The following REPS2 variants were observed in gnomAD, a reference collection of about 807,000 sequenced individuals.
REPS2 encodes RALBP1 associated Eps domain containing 2, also known as ralBP1-associated Eps domain-containing protein 2.
Under a neutral mutation model 53.6 loss-of-function variants are expected in REPS2, and 23 were observed. That is an observed-to-expected ratio of 0.43 (90% confidence interval 0.31 to 0.61). REPS2 has a LOEUF of 0.61. Among genes scored for constraint, REPS2 ranks in the 20% least tolerant of loss-of-function variants. REPS2 has a pLI of 0.11. For synonymous variants in REPS2, 238 were observed against 218.6 expected (o/e 1.09, Z -0.78); for missense variants, 446 against 534.9 (o/e 0.83, Z 1.64).
At chrX:17,163,243 T>G in the REPS2 span, among the ~76,000 whole-genome samples, 1 of 111,673 alleles carries the variant, frequency 9.0e-6, no homozygotes, top group African/African-American at 3.3e-5. Flanking sequence ...CAAATTTCTT[T>G]AGGCTGAAGA....
intron 1 of REPS2, among the ~76,000 whole-genome samples, chrX:16,956,534 G>C (rs961266645): frequency 1.3e-4 from 14 of 111,143 alleles, no homozygotes; most frequent in African/African-American, 4.3e-4. Context: ...CACTGCTTTC[G>C]GTCAAATGAC....
chrX:16,967,991 T>A (rs1285392267), intron 1 of REPS2, among the ~76,000 whole-genome samples: 1 of 111,077 alleles, frequency 9.0e-6, no homozygotes, highest in African/African-American at 3.3e-5. Context: ...CTCTGCGGCC[T>A]TCCGCAGTGT....
downstream of REPS2, among the ~76,000 whole-genome samples, chrX:17,154,816 A>G (rs2063598952): frequency 8.9e-6 from 1 of 112,479 alleles, no homozygotes; most frequent in Non-Finnish European, 1.9e-5. Context: ...CAGAGGAAAA[A>G]GTTTTGGTGA....
chrX:17,155,666 A>T (rs943601724), downstream of REPS2, among the ~76,000 whole-genome samples: 1 of 111,855 alleles, frequency 8.9e-6, no homozygotes, highest in Admixed American at 9.5e-5. Context: ...AATTTTTCCT[A>T]CTCCCTAGAA....
the REPS2 span, among the ~76,000 whole-genome samples, chrX:17,174,481 C>G: frequency 9.0e-6 from 1 of 111,722 alleles, no homozygotes; most frequent in African/African-American, 3.3e-5. Flanking sequence ...CCAGGTGATT[C>G]TAATGTGCAG....
chrX:17,056,195 C>T (rs1004845119), intron 8 of REPS2, among the ~76,000 whole-genome samples: 11 of 111,599 alleles, frequency 9.9e-5, no homozygotes, highest in African/African-American at 3.3e-4. Context: ...ATTCTATACC[C>T]TCTGGATGGA....
intron 1 of REPS2, among the ~76,000 whole-genome samples, chrX:16,965,283 C>T (rs2060739582): frequency 1.8e-5 from 2 of 108,400 alleles, no homozygotes; most frequent in Admixed American, 9.4e-5. Context: ...CCCCACCTCC[C>T]TCCCAGACGG....
At chrX:16,981,480 G>C (rs1461563064) in intron 1 of REPS2, among the ~76,000 whole-genome samples, 1 of 112,948 alleles carries the variant, frequency 8.9e-6, no homozygotes, top group Non-Finnish European at 1.9e-5. Context: ...CTTAATTTAC[G>C]TGTTCTCTAG....
chrX:16,968,169 G>C (rs2060800306), intron 1 of REPS2, among the ~76,000 whole-genome samples: 1 of 111,433 alleles, frequency 9.0e-6, no homozygotes, highest in South Asian at 3.8e-4. Flanking sequence ...TAAGGTCACA[G>C]ATCAACAGGA....
chrX:17,110,884 C>T (rs1603047421), intron 14 of REPS2, among the ~76,000 whole-genome samples: 2 of 108,422 alleles, frequency 1.8e-5, no homozygotes, highest in East Asian at 2.9e-4. Context: ...CGTGATGGTA[C>T]GTGCCTGTAA....
chrX:16,968,591 C>T (rs753785493), intron 1 of REPS2, among the ~76,000 whole-genome samples: 3,500 of 100,533 alleles, frequency 0.035, 166 homozygotes, highest in African/African-American at 0.13. Context: ...CCAGTAGGGG[C>T]GGCCAGGCAG....
At position 17,138,932 on chromosome X, in the gene REPS2, C is replaced by A; in HGVS notation, c.1885C>A (p.Leu629Met). The A allele has an allele frequency of 8.3e-7, 1 of 1,198,066 alleles. No homozygotes were observed. Among genetic ancestry groups the A allele is most frequent in the Non-Finnish European group, 1.1e-6 (1 of 888,156 alleles). The change falls in exon 17 of 18, where the codon CTG (leucine) becomes ATG (methionine). Residue 629 changes from leucine to methionine, a missense_variant. Coordinates refer to ENST00000357277, the MANE Select transcript of REPS2 (RefSeq NM_004726.3). The part of the protein sequence containing the change: ...NKEANAVLAR[L>M]NSELQQQLKE... ...AGAGGCAAACGCAGTGCTGGCTCGGCTGAACAGTGAGCTCCAGCAGCAGCT... is the reference window on the plus strand; with the variant it reads ...AGAGGCAAACGCAGTGCTGGCTCGGATGAACAGTGAGCTCCAGCAGCAGCT...
intron 5 of REPS2, among the ~76,000 whole-genome samples, chrX:17,042,641 C>T (rs1388907728): frequency 9.0e-6 from 1 of 110,534 alleles, no homozygotes; most frequent in African/African-American, 3.3e-5. Context: ...GTAGAGCTCA[C>T]ACTACCTTTT....
intron 1 of REPS2, among the ~76,000 whole-genome samples, chrX:16,951,500 TACACACAC>T (rs1157042780): frequency 0.027 from 1,619 of 60,063 alleles, 40 homozygotes; most frequent in African/African-American, 0.05. Flanking sequence ...AAACCCCATC[TACACACAC>T]ACACACACAC....
At chrX:17,071,058 G>A (rs1045399464) in intron 11 of REPS2, among the ~76,000 whole-genome samples, 2 of 112,192 alleles carry the variant, frequency 1.8e-5, no homozygotes, top group African/African-American at 6.5e-5. Context: ...ACCAGCTCTG[G>A]AAGGTGATGC....
At chrX:17,108,549 G>A (rs1320756163) in intron 14 of REPS2, among the ~76,000 whole-genome samples, 3 of 111,375 alleles carry the variant, frequency 2.7e-5, no homozygotes, top group Non-Finnish European at 5.7e-5. Context: ...TTTTAATAGT[G>A]TTGATCTCAT....
At chrX:17,098,114 G>C (rs767908914) in intron 13 of REPS2, among the ~76,000 whole-genome samples, 13 of 111,473 alleles carry the variant, frequency 1.2e-4, no homozygotes, top group Non-Finnish European at 1.7e-4. Context: ...TCTCACTCAT[G>C]AAGATAGTTG....
At chrX:17,090,279 C>T (rs1214080130) in intron 13 of REPS2, among the ~76,000 whole-genome samples, 1 of 112,536 alleles carries the variant, frequency 8.9e-6, no homozygotes, top group Non-Finnish European at 1.9e-5. Flanking sequence ...TACAGTTCCA[C>T]GTGGCCGGGG....
chrX:17,104,927 G>T (rs1252316246), intron 14 of REPS2, among the ~76,000 whole-genome samples: 1 of 111,585 alleles, frequency 9.0e-6, no homozygotes, highest in Non-Finnish European at 1.9e-5. Context: ...AGCTGTGTCT[G>T]TTGAGCATCT....
Sources: allele counts gnomAD v4.1 joint callset (sites outside exome capture counted in the v4.1 genomes callset), GRCh38; gene constraint gnomAD v4.1.1; transcripts MANE v1.5; gene names NCBI Gene and HGNC (gene_info 2026-07-23, HGNC 2026-07-21).